The following GPLD1 variants were observed in gnomAD, a reference collection of about 807,000 sequenced individuals.
GPLD1 encodes the protein glycosylphosphatidylinositol specific phospholipase D1.
GPLD1 carries 84 observed loss-of-function variants against 112.6 expected under a neutral mutation model. The ratio of observed to expected loss-of-function variants is 0.75; its 90% confidence interval spans 0.63 to 0.89. GPLD1 has a LOEUF of 0.89. Ranked by LOEUF, GPLD1 falls within the 40% of genes least tolerant of loss-of-function variation. The pLI, the probability that GPLD1 is intolerant of heterozygous loss-of-function variation, is 0.00. For synonymous variants in GPLD1, 386 were observed against 403.8 expected (o/e 0.96, Z 0.53); for missense variants, 1,044 against 1,051.5 (o/e 0.99, Z 0.10).
At position 24,465,990 on chromosome 6, in the gene GPLD1, C is replaced by G. The variant is rs958794240; in HGVS notation, c.821+690G>C. 7.9e-5 allele frequency among the ~76,000 whole-genome samples: 12 copies of G among 152,204 alleles called. No individual in the cohort carries two copies. In the East Asian group the frequency reaches 1.7e-3, roughly 22 times the overall value. On this transcript the variant is annotated intron_variant, in intron 10 of 24. Transcript: ENST00000230036. The stretch of plus-strand genomic sequence containing the variant: ...GAGGTGTGTCACCACAGCAAGAACA[C>G]AGCCACTCTGGGACCTGTGGAGACC...
chr6:24,427,845 C>CAA lies in GPLD1; in HGVS notation c.*1185_*1186dup, dbSNP rs72112585. Among the ~76,000 whole-genome samples, 16,839 of 86,072 alleles carry CAA rather than the reference C, an allele frequency of 0.2. 2,492 individuals carry two copies. The highest frequency in any genetic ancestry group is 0.35 in the East Asian group (1,063 of 3,000). 56.5% of individuals were successfully genotyped at this position (86,072 alleles called of 152,430 possible). ...TGGGCAACAGAGCAAGACTCCGTCT[C>CAA]AAAAAAAAAAAAAAAAAAAAAGGAC... On this transcript the variant is annotated 3_prime_UTR_variant, in exon 25 of 25. Coordinates refer to ENST00000230036, the MANE Select transcript of GPLD1 (RefSeq NM_001503.4).
chr6:24,462,831 ACTT>A (rs149486396), intron 10 of GPLD1, 36 bp from the exon 11 acceptor site: 152,795 of 1,396,958 alleles, frequency 0.11, 9,415 homozygotes, highest in Middle Eastern at 0.21. Context: ...CCATTTATCT[ACTT>A]CTTCACAAGC....
intron 10 of GPLD1, among the ~76,000 whole-genome samples, chr6:24,465,352 G>A (rs1422148849): frequency 2.6e-5 from 4 of 151,802 alleles, no homozygotes; most frequent in African/African-American, 9.7e-5. Flanking sequence ...ACCAGCCTGG[G>A]CAACATGGTA....
chr6:24,431,863 G>A (rs79737541), intron 24 of GPLD1, among the ~76,000 whole-genome samples: 4 of 151,990 alleles, frequency 2.6e-5, no homozygotes, highest in South Asian at 2.1e-4. Flanking sequence ...CTGCCATATC[G>A]AAATTTAAAC....
At chr6:24,431,638 G>A (rs1419958689) in intron 24 of GPLD1, among the ~76,000 whole-genome samples, 1 of 151,340 alleles carries the variant, frequency 6.6e-6, no homozygotes, top group Middle Eastern at 3.4e-3. Context: ...AGGTTCAAGC[G>A]ATTCTCCTGC....
chr6:24,441,363 T>C (rs971997683), intron 20 of GPLD1, among the ~76,000 whole-genome samples: 4 of 151,956 alleles, frequency 2.6e-5, no homozygotes, highest in Non-Finnish European at 5.9e-5. Context: ...CTGTGCCTTA[T>C]AGCTGTGATT....
chr6:24,433,278 A>T, intron 23 of GPLD1, 41 bp from the exon 24 acceptor site: 3 of 1,593,702 alleles, frequency 1.9e-6, no homozygotes, highest in Non-Finnish European at 2.6e-6. Flanking sequence ...TGAAGAACAT[A>T]GTGTAATACT....
At position 24,475,143 on chromosome 6, in the gene GPLD1, C is replaced by G; in HGVS notation, c.419G>C (p.Gly140Ala). 1.9e-6 allele frequency: 3 copies of G among 1,600,454 alleles called. No homozygotes were observed. Among genetic ancestry groups the G allele is most frequent in the Non-Finnish European group, 1.7e-6 (2 of 1,167,576 alleles). Reference protein sequence around the residue: ...VSWHSLGLEQGFLRTMGAIDF... With the variant: ...VSWHSLGLEQAFLRTMGAIDF... ...CACAGCTCCCATGGTCCTAAGGAAT[C>G]CTTGTTCAAGGCCCAGACTATGCCA... The change falls in exon 5 of 25, where the codon GGA becomes GCA. Residue 140 changes from glycine (G) to alanine (A), a missense_variant. Transcript: ENST00000230036.
chr6:24,449,979 G>A (rs997048345), intron 14 of GPLD1, 80 bp from the exon 15 acceptor site: 3 of 973,870 alleles, frequency 3.1e-6, no homozygotes, highest in African/African-American at 3.3e-5. Context: ...GGAGTAGAGA[G>A]GCCTGGGACA....
chr6:24,476,441 A>G (rs1764022047), intron 3 of GPLD1, among the ~76,000 whole-genome samples, 163 bp from the exon 4 acceptor site: 3 of 152,172 alleles, frequency 2.0e-5, no homozygotes, highest in Non-Finnish European at 4.4e-5. Context: ...AAAACGGAAG[A>G]GCCAGCTGAG....
rs370617124 is a variant in GPLD1, at chr6:24,429,109, C to T, written c.2446G>A (p.Val816Ile). The change falls in exon 25 of 25, where the codon GTC (valine) becomes ATC (isoleucine). Residue 816 changes from valine (V) to isoleucine (I), a missense_variant. Coordinates refer to ENST00000230036, the MANE Select transcript of GPLD1 (RefSeq NM_001503.4). Reference sequence around the variant, plus strand: ...AAAGAACTCCTTCCAGCAGCAATGACGACTTGGTTCTGTAAGGGACACAAG... The same window carrying T: ...AAAGAACTCCTTCCAGCAGCAATGATGACTTGGTTCTGTAAGGGACACAAG... ...TVRSKAKNQV[V>I]IAAGRSSLGA... The T allele has an allele frequency of 1.9e-6, 3 of 1,611,476 alleles. No homozygotes were observed. Among genetic ancestry groups the T allele is most frequent in the East Asian group, 4.5e-5 (2 of 44,868 alleles).
intron 2 of GPLD1, among the ~76,000 whole-genome samples, chr6:24,483,450 G>A (rs950849868): frequency 1.1e-4 from 16 of 151,812 alleles, no homozygotes; most frequent in African/African-American, 3.1e-4. Context: ...AGGCTGCGGC[G>A]GGTGGATCAC....
intron 10 of GPLD1, among the ~76,000 whole-genome samples, chr6:24,464,968 G>C (rs189788138): frequency 2.0e-5 from 3 of 152,106 alleles, no homozygotes; most frequent in Admixed American, 6.6e-5. Flanking sequence ...AGAGGTGGGT[G>C]GATCACTTGA....
intron 1 of GPLD1, among the ~76,000 whole-genome samples, chr6:24,494,607 G>C (rs1764641942): frequency 6.6e-6 from 1 of 152,184 alleles, no homozygotes; most frequent in Non-Finnish European, 1.5e-5. Flanking sequence ...GGATGCTAAG[G>C]GGAGAGAGTG....
At chr6:24,429,679 C>T (rs1174348919) in intron 24 of GPLD1, among the ~76,000 whole-genome samples, 3 of 152,230 alleles carry the variant, frequency 2.0e-5, no homozygotes, top group Admixed American at 6.5e-5. Context: ...TCCCGAGTAG[C>T]GGAGATTACA....
chr6:24,450,460 C>T (rs906398638), intron 14 of GPLD1, among the ~76,000 whole-genome samples: 4 of 151,934 alleles, frequency 2.6e-5, no homozygotes, highest in African/African-American at 9.7e-5. Context: ...AAGATCGTGC[C>T]ACTGCACTCC....
chr6:24,482,823 G>A (rs1244942212), intron 2 of GPLD1, among the ~76,000 whole-genome samples: 4 of 152,014 alleles, frequency 2.6e-5, no homozygotes, highest in Non-Finnish European at 5.9e-5. Flanking sequence ...GCCAAACATG[G>A]TGGTGCAGCT....
At chr6:24,441,157 A>AAG (rs149083477) in intron 20 of GPLD1, among the ~76,000 whole-genome samples, 147 of 151,300 alleles carry the variant, frequency 9.7e-4, no homozygotes, top group African/African-American at 3.1e-3. Context: ...AAAAAAAAAA[A>AAG]TAGCTGGGCA....
At chr6:24,440,944 C>T (rs1581736199) in intron 20 of GPLD1, among the ~76,000 whole-genome samples, 1 of 152,042 alleles carries the variant, frequency 6.6e-6, no homozygotes, top group Admixed American at 6.6e-5. Flanking sequence ...TCAGTATCCA[C>T]GAAGGATTGG....
Sources: allele counts gnomAD v4.1 joint callset (sites outside exome capture counted in the v4.1 genomes callset), GRCh38; gene constraint gnomAD v4.1.1; transcripts MANE v1.5; gene names NCBI Gene and HGNC (gene_info 2026-07-23, HGNC 2026-07-21).